The following MORC4 variants were observed in gnomAD, a reference collection of about 807,000 sequenced individuals.
MORC4 encodes MORC family CW-type zinc finger 4, also known as MORC family CW-type zinc finger protein 4.
Under a neutral mutation model 65.5 loss-of-function variants are expected in MORC4, and 22 were observed. The ratio of observed to expected loss-of-function variants is 0.34; its 90% CI spans 0.24 to 0.48. The LOEUF is 0.48. MORC4 is among the 20% of genes least tolerant of loss of function. MORC4 has a pLI of 0.99. For synonymous variants in MORC4, 267 were observed against 255.8 expected, an observed-to-expected ratio of 1.04 and a Z score of -0.42; for missense variants, 624 against 703.0, an observed-to-expected ratio of 0.89 and a Z score of 1.27.
In MORC4 at chrX:106,993,347, G is replaced by T; in HGVS notation, c.191C>A (p.Pro64Gln). The T allele has an allele frequency of 8.3e-7, 1 of 1,207,943 alleles. No individual in the cohort carries two copies. The highest frequency in any genetic ancestry group is 1.1e-6 in the Non-Finnish European group (1 of 893,441). Residue 64 changes from proline (P) to glutamine (Q), a missense_variant, in exon 3 of 17, where the codon CCA becomes CAA. By Grantham distance (76) the Pro-to-Gln change is moderately conservative. Coordinates refer to ENST00000355610, the MANE Select transcript of MORC4 (RefSeq NM_024657.5). ...IAELLDNAVD[P>Q]DVSARTVFID... is the part of the protein sequence containing the mutation. ...AAAGACCGTCCTGGCAGATACATCTGGATCTACAGCATTATCTGCAAAAGG... is the reference window on the plus strand; with the variant it reads ...AAAGACCGTCCTGGCAGATACATCTTGATCTACAGCATTATCTGCAAAAGG...
chrX:106,970,745 G>C (rs1934490886), intron 9 of MORC4, among the ~76,000 whole-genome samples: 1 of 111,414 alleles, frequency 9.0e-6, no homozygotes, highest in Non-Finnish European at 1.9e-5. Flanking sequence ...AAAATACCTA[G>C]GAATATAACT....
chrX:106,978,619 C>T (rs763640397), intron 7 of MORC4, among the ~76,000 whole-genome samples: 1 of 109,012 alleles, frequency 9.2e-6, no homozygotes, highest in African/African-American at 3.4e-5. Flanking sequence ...CACACACACA[C>T]GCACACACAC....
chrX:106,956,968 A>C lies in MORC4; in HGVS notation c.1422T>G (p.Asp474Glu). Reference sequence around the variant, plus strand: ...TAGCTTTGCTCAAGCACAGGTCTTCATCAGTGAGTTCTTGTTCCTCTGGAA... The same window carrying C: ...TAGCTTTGCTCAAGCACAGGTCTTCCTCAGTGAGTTCTTGTTCCTCTGGAA... ...CSVPEEQELT[D>E]EDLCLSKAKK... The change falls in exon 12 of 17, where the codon GAT (aspartate) becomes GAG (glutamate). Residue 474 changes from aspartate to glutamate, a missense_variant. Coordinates refer to ENST00000355610, the MANE Select transcript of MORC4 (RefSeq NM_024657.5). 3 of 1,199,798 alleles carry C rather than the reference A, an allele frequency of 2.5e-6. No individual in the cohort carries two copies. Among genetic ancestry groups the C allele is most frequent in the Non-Finnish European group, 3.4e-6 (3 of 886,225 alleles).
chrX:106,948,124 C>T (rs1233024403), intron 14 of MORC4, among the ~76,000 whole-genome samples: 1 of 111,559 alleles, frequency 9.0e-6, no homozygotes, highest in Non-Finnish European at 1.9e-5. Context: ...ATTCACGAAT[C>T]TAATAATACA....
At chrX:106,951,649 G>A (rs1231856022) in intron 14 of MORC4, among the ~76,000 whole-genome samples, 2 of 111,328 alleles carry the variant, frequency 1.8e-5, no homozygotes, top group Admixed American at 9.6e-5. Context: ...TATAAGAGGC[G>A]TGAGGTACTG....
chrX:106,942,112 T>C lies in MORC4; in HGVS notation c.2486A>G (p.Lys829Arg). The C allele has an allele frequency of 2.5e-6, 3 of 1,211,665 alleles. No homozygotes were observed. Among genetic ancestry groups the C allele is most frequent in the Non-Finnish European group, 3.4e-6 (3 of 895,467 alleles). The change falls in exon 16 of 17, where the codon AAG becomes AGG. Residue 829 changes from lysine (K) to arginine (R), a missense_variant. Coordinates refer to ENST00000355610, the MANE Select transcript of MORC4 (RefSeq NM_024657.5). ...TQEAEGLYWSKKHMGYRQAEF... is the reference protein window; with the variant it reads ...TQEAEGLYWSRKHMGYRQAEF... ...AGCTTGGCGATAACCCATGTGTTTCTTGCTCCAGTACAAGCCTTCCGCCTC... is the reference window on the plus strand; with the variant it reads ...AGCTTGGCGATAACCCATGTGTTTCCTGCTCCAGTACAAGCCTTCCGCCTC...
chrX:106,992,349 CTCCACAGCATTCCACCA>C (rs1458751223), intron 3 of MORC4, among the ~76,000 whole-genome samples: 1 of 112,329 alleles, frequency 8.9e-6, no homozygotes, highest in Non-Finnish European at 1.9e-5. Flanking sequence ...CCTTTCCCTC[CTCCACAGCATTCCACCA>C]TTGTTACTCG....
chrX:106,947,175 A>C (rs747369110), intron 14 of MORC4, among the ~76,000 whole-genome samples: 4 of 110,759 alleles, frequency 3.6e-5, no homozygotes, highest in African/African-American at 9.8e-5. Flanking sequence ...GTTGATTTCT[A>C]ATTTAATTAT....
intron 7 of MORC4, among the ~76,000 whole-genome samples, chrX:106,979,694 G>A (rs889783916): frequency 4.5e-5 from 5 of 110,561 alleles, no homozygotes; most frequent in Non-Finnish European, 9.5e-5. Flanking sequence ...GAGAAGAGTC[G>A]AGGTAACATA....
chrX:106,984,087 T>C (rs1252224743), intron 5 of MORC4, among the ~76,000 whole-genome samples: 1 of 110,265 alleles, frequency 9.1e-6, no homozygotes, highest in Non-Finnish European at 1.9e-5. Flanking sequence ...GAGTACAAGA[T>C]CAGCCCGGCC....
intron 13 of MORC4, among the ~76,000 whole-genome samples, chrX:106,955,925 G>A (rs182726199): frequency 9.0e-6 from 1 of 111,473 alleles, no homozygotes; most frequent in East Asian, 2.8e-4. Flanking sequence ...TGGCTGTCAG[G>A]AAAGGAGTGT....
chrX:106,941,977 T>C lies in MORC4; in HGVS notation c.2621A>G (p.Gln874Arg). The C allele has an allele frequency of 8.3e-7, 1 of 1,211,242 alleles. No individual in the cohort carries two copies. Among genetic ancestry groups the C allele is most frequent in the Non-Finnish European group, 1.1e-6 (1 of 895,191 alleles). Residue 874 changes from glutamine (Q) to arginine (R), a missense_variant, in exon 16 of 17, where the codon CAG becomes CGG. Coordinates refer to ENST00000355610, the MANE Select transcript of MORC4 (RefSeq NM_024657.5). ...ETHLEMLQKA[Q>R]VSYRTPEGDD... The stretch of plus-strand genomic sequence containing the variant: ...TCCCTCTGGGGTCCGGTAGGAGACC[T>C]GAGCCTTCTGCAGCATTTCCAGGTG...
chrX:106,952,338 T>C (rs1235323347), intron 14 of MORC4, among the ~76,000 whole-genome samples: 2 of 112,392 alleles, frequency 1.8e-5, no homozygotes, highest in African/African-American at 6.5e-5. Context: ...CATGTGACTG[T>C]AGTGAATACT....
chrX:106,975,037 ACTATCT>A, intron 9 of MORC4, among the ~76,000 whole-genome samples: 1 of 111,494 alleles, frequency 9.0e-6, no homozygotes, highest in Non-Finnish European at 1.9e-5. Context: ...CTGTCTACAG[ACTATCT>A]CTATCTGATC....
At chrX:106,946,967 T>C (rs1017776400) in intron 14 of MORC4, among the ~76,000 whole-genome samples, 3 of 111,426 alleles carry the variant, frequency 2.7e-5, no homozygotes, top group East Asian at 2.8e-4. Flanking sequence ...AATATAAGCA[T>C]CTAAAAATAT....
At chrX:106,945,539 G>A (rs954254757) in intron 14 of MORC4, among the ~76,000 whole-genome samples, 15 of 108,152 alleles carry the variant, frequency 1.4e-4, no homozygotes, top group Admixed American at 6.0e-4. Flanking sequence ...ATGGGGAGGA[G>A]GGAACAAAAC....
At chrX:106,989,759 C>T (rs1245302932) in intron 3 of MORC4, among the ~76,000 whole-genome samples, 5 of 105,356 alleles carry the variant, frequency 4.7e-5, no homozygotes, top group Non-Finnish European at 9.7e-5. Flanking sequence ...CCCAGCTACT[C>T]GGGAGGCTGA....
chrX:106,980,104 A>C (rs1934710525), intron 7 of MORC4, among the ~76,000 whole-genome samples: 1 of 110,698 alleles, frequency 9.0e-6, no homozygotes, highest in Admixed American at 9.7e-5. Flanking sequence ...TAGTTACTAG[A>C]AAATAAATTA....
intron 2 of MORC4, among the ~76,000 whole-genome samples, chrX:106,993,673 C>T (rs1479033901): frequency 8.9e-6 from 1 of 112,151 alleles, no homozygotes; most frequent in Admixed American, 9.5e-5. Flanking sequence ...AAGCATTTTG[C>T]TCCATTTTTG....
Sources: allele counts gnomAD v4.1 joint callset (sites outside exome capture counted in the v4.1 genomes callset), GRCh38; gene constraint gnomAD v4.1.1; transcripts MANE v1.5; gene names NCBI Gene and HGNC (gene_info 2026-07-23, HGNC 2026-07-21).